Variants in STAC observed in about 807,000 individuals in gnomAD.
The protein encoded by STAC is SH3 and cysteine rich domain, also known as SH3 and cysteine-rich domain-containing protein.
Under a neutral mutation model 48.8 loss-of-function variants are expected in STAC, and 43 were observed. That is an observed-to-expected ratio of 0.88 (90% CI 0.69 to 1.14). The LOEUF (loss-of-function observed/expected upper bound fraction) is 1.14, where lower values mean the gene tolerates loss of function less well. STAC is among the 50% of genes most tolerant of loss of function. The pLI is 0.00. For missense variants in STAC, 497 were observed against 504.0 expected, an observed-to-expected ratio of 0.99 and a Z score of 0.13; for synonymous variants, 193 against 179.5, an observed-to-expected ratio of 1.07 and a Z score of -0.60.
At chr3:36,494,120 C>G (rs1268376939) in intron 6 of STAC, among the ~76,000 whole-genome samples, 4 of 147,324 alleles carry the variant, frequency 2.7e-5, no homozygotes, top group East Asian at 2.0e-4. Flanking sequence ...CCACTGCACT[C>G]CCGCCTGGGC....
chr3:36,395,095 G>A (rs568881574), intron 1 of STAC, among the ~76,000 whole-genome samples: 10 of 152,060 alleles, frequency 6.6e-5, no homozygotes, highest in Non-Finnish European at 1.2e-4. Context: ...GTTGGTAGCA[G>A]TCACAGTAAC....
intron 8 of STAC, among the ~76,000 whole-genome samples, chr3:36,510,277 T>C (rs1698503157): frequency 6.6e-6 from 1 of 152,128 alleles, no homozygotes; most frequent in African/African-American, 2.4e-5. Flanking sequence ...CCAGTTAGAA[T>C]GGTGATCATT....
In STAC at chr3:36,398,672, G is replaced by GAAAGAAAGAAAGAAAA. The variant is rs1559477570; in HGVS notation, c.111+17918_111+17919insAAAGAAAGAAAGAAAA. On this transcript the variant is annotated intron_variant, in intron 1 of 10. Coordinates refer to ENST00000273183, the MANE Select transcript of STAC (RefSeq NM_003149.3). The stretch of plus-strand genomic sequence containing the variant: ...AAAGAGAAAGAAAGGAAGGAAGGAA[G>GAAAGAAAGAAAGAAAA]GAAAGAAAGAAAGAAAGAAAAGAAA... 7.0e-5 allele frequency among the ~76,000 whole-genome samples: 8 copies of GAAAGAAAGAAAGAAAA among 113,514 alleles called. No homozygotes were observed. In the East Asian group the frequency reaches 1.1e-3, roughly 15 times the overall value. The allele number at this position is 113,514 out of a possible 152,430, so 74.5% of individuals were successfully genotyped here.
intron 5 of STAC, among the ~76,000 whole-genome samples, chr3:36,488,706 A>G (rs773206935): frequency 2.0e-5 from 3 of 152,184 alleles, no homozygotes; most frequent in Non-Finnish European, 4.4e-5. Flanking sequence ...AATATCAAAG[A>G]TACCCTTAGT....
At chr3:36,438,378 TGGAG>T (rs1696220486) in intron 1 of STAC, among the ~76,000 whole-genome samples, 1 of 152,228 alleles carries the variant, frequency 6.6e-6, no homozygotes, top group Admixed American at 6.5e-5. Flanking sequence ...ATAAACAAAA[TGGAG>T]CTGGGCCATG....
At chr3:36,442,071 A>T (rs1249986481) in intron 1 of STAC, among the ~76,000 whole-genome samples, 1 of 152,120 alleles carries the variant, frequency 6.6e-6, no homozygotes, top group East Asian at 1.9e-4. Context: ...GTCAGTGGGG[A>T]TAGTGCCATG....
intron 10 of STAC, among the ~76,000 whole-genome samples, chr3:36,534,139 C>T (rs1199450812): frequency 1.3e-5 from 2 of 152,134 alleles, no homozygotes; most frequent in African/African-American, 4.8e-5. Flanking sequence ...AGAAAGAGCA[C>T]AGATACTAGT....
intron 8 of STAC, among the ~76,000 whole-genome samples, chr3:36,527,906 A>G (rs796223975): frequency 2.0e-5 from 3 of 152,334 alleles, no homozygotes; most frequent in African/African-American, 7.2e-5. Context: ...AAAAGATGGC[A>G]GACAGGAAAA....
chr3:36,436,391 C>T (rs1869848), intron 1 of STAC, among the ~76,000 whole-genome samples: 31,532 of 152,042 alleles, frequency 0.21, 3,437 homozygotes, highest in Admixed American at 0.24. Context: ...AAACCATCAC[C>T]CTTAGGATAA....
At chr3:36,436,221 C>T (rs543457168) in intron 1 of STAC, among the ~76,000 whole-genome samples, 6 of 152,302 alleles carry the variant, frequency 3.9e-5, no homozygotes, top group African/African-American at 1.4e-4. Context: ...CATAACTATA[C>T]AAGGCCAAGC....
chr3:36,541,299 G>C (rs1699318952), intron 10 of STAC, among the ~76,000 whole-genome samples: 1 of 152,140 alleles, frequency 6.6e-6, no homozygotes, highest in South Asian at 2.1e-4. Context: ...AACAGGACTT[G>C]GATCAATTAA....
At chr3:36,429,688 C>A (rs2125651804) in intron 1 of STAC, among the ~76,000 whole-genome samples, 1 of 152,292 alleles carries the variant, frequency 6.6e-6, no homozygotes, top group South Asian at 2.1e-4. Flanking sequence ...TCCTTGCCTC[C>A]TCGGAATTGA....
At chr3:36,383,926 C>A (rs1398617892) in intron 1 of STAC, among the ~76,000 whole-genome samples, 1 of 152,156 alleles carries the variant, frequency 6.6e-6, no homozygotes, top group Non-Finnish European at 1.5e-5. Flanking sequence ...CTTTGGTATC[C>A]CAGTACAGTT....
At chr3:36,452,810 A>G (rs2125676174) in intron 2 of STAC, among the ~76,000 whole-genome samples, 1 of 152,334 alleles carries the variant, frequency 6.6e-6, no homozygotes, top group Admixed American at 6.5e-5. Flanking sequence ...AGGGGAATAG[A>G]CATTACCTAG....
At chr3:36,437,961 A>G (rs1696200247) in intron 1 of STAC, among the ~76,000 whole-genome samples, 1 of 149,068 alleles carries the variant, frequency 6.7e-6, no homozygotes, top group Admixed American at 6.7e-5. Context: ...TATTATTATT[A>G]TTATTTAGAT....
At chr3:36,410,835 A>T (rs1456579089) in intron 1 of STAC, among the ~76,000 whole-genome samples, 1 of 152,192 alleles carries the variant, frequency 6.6e-6, no homozygotes, top group Non-Finnish European at 1.5e-5. Flanking sequence ...TAATCCACTT[A>T]GTTCAATCTG....
chr3:36,486,078 G>C (rs1697802568), intron 4 of STAC, 56 bp from the exon 5 acceptor site: 10 of 1,376,798 alleles, frequency 7.3e-6, no homozygotes, highest in Non-Finnish European at 1.0e-5. Flanking sequence ...GTGGTAGGCA[G>C]TTGGCTGGGT....
At position 36,380,699 on chromosome 3, in the gene STAC, C is replaced by A; in HGVS notation, c.56C>A (p.Ala19Glu). The change falls in exon 1 of 11, where the codon GCG (alanine) becomes GAG (glutamate). Residue 19 changes from alanine (A) to glutamate (E), a missense_variant. Physicochemically the swap from Ala to Glu is moderately radical, Grantham distance 107. Transcript: ENST00000273183. The stretch of plus-strand genomic sequence containing the variant: ...GGCGTGGACGGGCTGCCCAAGGAGG[C>A]GGTGGGCGCCGAGCAACCGCCCTCT... ...EDGVDGLPKE[A>E]VGAEQPPSPA... The A allele has an allele frequency of 6.2e-7, 1 of 1,611,290 alleles. No homozygotes were observed. Among genetic ancestry groups the A allele is most frequent in the Non-Finnish European group, 8.5e-7 (1 of 1,179,112 alleles).
chr3:36,514,793 G>C (rs1411017786), intron 8 of STAC, among the ~76,000 whole-genome samples: 1 of 152,122 alleles, frequency 6.6e-6, no homozygotes. Context: ...CCAACACTTT[G>C]GGAGGCCAAG....
Sources: gnomAD v4.1 joint callset for allele counts (sites outside exome capture counted in the v4.1 genomes callset) on GRCh38, gnomAD v4.1.1 for gene constraint, MANE v1.5 for transcripts, NCBI Gene and HGNC (gene_info 2026-07-23, HGNC 2026-07-21) for gene names.